NBAS: variants seen among roughly 807,000 people sequenced by gnomAD.
The protein encoded by NBAS is NAG/BC035112 fusion.
Under a neutral mutation model 302.5 loss-of-function variants are expected in NBAS, and 219 were observed. The ratio of observed to expected loss-of-function variants is 0.72; its 90% CI spans 0.65 to 0.81. The LOEUF is 0.81. Among genes scored for constraint, NBAS ranks in the 30% least tolerant of loss-of-function variants. The pLI is 0.00. For synonymous variants in NBAS, 1,118 were observed against 1,021.6 expected (o/e 1.09, Z -1.80); for missense variants, 2,932 against 2,841.6 (o/e 1.03, Z -0.72).
intron 12 of NBAS, among the ~76,000 whole-genome samples, chr2:15,487,486 G>A (rs927465115): frequency 2.0e-5 from 3 of 152,158 alleles, no homozygotes; most frequent in Non-Finnish European, 2.9e-5. Context: ...ATTCTGCAAA[G>A]ACTGTATTTT....
the NBAS span, among the ~76,000 whole-genome samples, chr2:14,809,168 T>C: frequency 6.6e-6 from 1 of 152,176 alleles, no homozygotes; most frequent in Non-Finnish European, 1.5e-5. Context: ...CAAAATCCGA[T>C]TTTCTGAGGA....
intron 35 of NBAS, among the ~76,000 whole-genome samples, chr2:15,335,178 A>C (rs1049541034): frequency 4.1e-5 from 6 of 147,226 alleles, no homozygotes; most frequent in African/African-American, 1.3e-4. Flanking sequence ...CTCTCTTAAA[A>C]AAAAAAAAAA....
chr2:14,913,276 A>T, the NBAS span, among the ~76,000 whole-genome samples: 1 of 152,234 alleles, frequency 6.6e-6, no homozygotes, highest in African/African-American at 2.4e-5. Flanking sequence ...CGACTTAAGC[A>T]TGGAGAGCTG....
At chr2:14,894,347 AG>A in the NBAS span, among the ~76,000 whole-genome samples, 48 of 152,270 alleles carry the variant, frequency 3.2e-4, no homozygotes, top group African/African-American at 1.1e-3. Context: ...GCAGGAGTAC[AG>A]GGGGGCACCA....
In NBAS at chr2:15,218,964, C is replaced by T. The variant is rs767980618; in HGVS notation, c.6241G>A (p.Glu2081Lys). 10 of 1,614,136 alleles carry T rather than the reference C, an allele frequency of 6.2e-6. No homozygotes were observed. Among genetic ancestry groups the T allele is most frequent in the South Asian group, 2.2e-5 (2 of 91,090 alleles). The change falls in exon 48 of 52, where the codon GAG becomes AAG. Residue 2081 changes from glutamate (E) to lysine (K), a missense_variant. Coordinates refer to ENST00000281513, the MANE Select transcript of NBAS (RefSeq NM_015909.4). ...AVHASVDKGEELVSPEDLLEW... is the reference protein window; with the variant it reads ...AVHASVDKGEKLVSPEDLLEW... The stretch of plus-strand genomic sequence containing the variant: ...AGCAGGTCCTCAGGTGAAACCAGCT[C>T]CTCACTGCAGGGCAAAATCCAGAGG...
At chr2:15,147,753 A>C in the NBAS span, among the ~76,000 whole-genome samples, 1 of 152,014 alleles carries the variant, frequency 6.6e-6, no homozygotes, top group Non-Finnish European at 1.5e-5. Flanking sequence ...ATCATCTCTC[A>C]TTTACGTAGC....
chr2:15,247,890 TC>T (rs1036034679), intron 44 of NBAS, among the ~76,000 whole-genome samples: 29 of 151,978 alleles, frequency 1.9e-4, no homozygotes, highest in African/African-American at 7.0e-4. Flanking sequence ...CAATATTAGA[TC>T]AACGAGAAAG....
chr2:14,827,341 T>C, the NBAS span, among the ~76,000 whole-genome samples: 1 of 152,230 alleles, frequency 6.6e-6, no homozygotes, highest in Non-Finnish European at 1.5e-5. Context: ...AAACATGTTT[T>C]GATTTTAGAT....
the NBAS span, among the ~76,000 whole-genome samples, chr2:14,998,162 G>A: frequency 0.38 from 57,904 of 152,038 alleles, 11,809 homozygotes; most frequent in Middle Eastern, 0.43. Flanking sequence ...AAGAAGTCTT[G>A]AGCCTATTCC....
At chr2:15,353,850 G>A in intron 33 of NBAS, 140 bp from the exon 34 acceptor site, 1 of 1,031,800 alleles carries the variant, frequency 9.7e-7, no homozygotes, top group Non-Finnish European at 1.5e-6. Flanking sequence ...TATTTTATAA[G>A]CAGAAACAGA....
intron 44 of NBAS, among the ~76,000 whole-genome samples, chr2:15,249,988 A>G (rs1668286771): frequency 6.6e-6 from 1 of 152,224 alleles, no homozygotes; most frequent in Non-Finnish European, 1.5e-5. Context: ...GAACCAAAAA[A>G]GAGCCCACAT....
At chr2:15,328,150 T>C in intron 37 of NBAS, 49 bp downstream of exon 37, 1 of 1,544,628 alleles carries the variant, frequency 6.5e-7, no homozygotes, top group Non-Finnish European at 8.9e-7. Context: ...TTCTACTGTC[T>C]ACAACAGCAT....
chr2:14,972,320 G>A, the NBAS span, among the ~76,000 whole-genome samples: 18 of 151,918 alleles, frequency 1.2e-4, no homozygotes, highest in African/African-American at 3.9e-4. Context: ...TGAGGGGAGG[G>A]GACTTAGAGG....
At chr2:14,962,034 A>G in the NBAS span, among the ~76,000 whole-genome samples, 5 of 152,184 alleles carry the variant, frequency 3.3e-5, no homozygotes, top group Non-Finnish European at 7.3e-5. Context: ...TCAGCCTCCA[A>G]AACTGCCAGG....
chr2:15,374,510 G>T, intron 31 of NBAS, 98 bp downstream of exon 31: 1 of 1,027,636 alleles, frequency 9.7e-7, no homozygotes. Flanking sequence ...TGGATTACAT[G>T]ACCAAAGCTA....
intron 44 of NBAS, among the ~76,000 whole-genome samples, chr2:15,247,660 G>C (rs180857810): frequency 9.4e-5 from 14 of 149,402 alleles, no homozygotes; most frequent in African/African-American, 3.2e-4. Flanking sequence ...ACCAAGAAGA[G>C]CTACTCTCTC....
chr2:14,796,978 T>C, the NBAS span, among the ~76,000 whole-genome samples: 16 of 147,012 alleles, frequency 1.1e-4, no homozygotes, highest in African/African-American at 3.8e-4. Context: ...CAGTTCCAGC[T>C]ACTCTGGAGG....
chr2:15,247,881 A>C (rs1264921119), intron 44 of NBAS, among the ~76,000 whole-genome samples: 1 of 152,036 alleles, frequency 6.6e-6, no homozygotes, highest in African/African-American at 2.4e-5. Context: ...CCCCACTGTC[A>C]ATATTAGATC....
At position 15,238,360 on chromosome 2, in the gene NBAS, A is replaced by C. The variant is rs566294186; in HGVS notation, c.5943+108T>G. ...AAAGGCTTGCGGACAATTTTCAAGG[A>C]TATCTGCAAGCCTGAAAACCCTGTC... On this transcript the variant is annotated intron_variant, in intron 45 of 51. Transcript: ENST00000281513. 5 of 1,085,178 alleles carry C rather than the reference A, an allele frequency of 4.6e-6. No individual in the cohort carries two copies. The East Asian group carries it at 1.3e-4, about 28-fold the overall frequency. 67.2% of individuals were successfully genotyped at this position (1,085,178 alleles called of 1,614,324 possible).
Sources: gnomAD v4.1 joint callset for allele counts (sites outside exome capture counted in the v4.1 genomes callset) on GRCh38, gnomAD v4.1.1 for gene constraint, MANE v1.5 for transcripts, NCBI Gene and HGNC (gene_info 2026-07-23, HGNC 2026-07-21) for gene names.